The following DENND1B variants were observed in gnomAD, a reference collection of about 807,000 sequenced individuals.
The protein encoded by DENND1B is DENN domain containing 1B, also known as DENN domain-containing protein 1B.
Under a neutral mutation model 90.1 loss-of-function variants are expected in DENND1B, and 59 were observed. The observed-to-expected ratio is 0.65, with a 90% CI of 0.53 to 0.81. The LOEUF is 0.81. Ranked by LOEUF, DENND1B falls within the 40% of genes least tolerant of loss-of-function variation. The pLI, the probability that DENND1B is intolerant of heterozygous loss-of-function variation, is 0.00. For missense variants in DENND1B, 862 were observed against 912.6 expected, an observed-to-expected ratio of 0.94 and a Z score of 0.71; for synonymous variants, 337 against 324.6, an observed-to-expected ratio of 1.04 and a Z score of -0.41.
chr1:197,521,636 AAT>A (rs1354093995), intron 20 of DENND1B, among the ~76,000 whole-genome samples: 8 of 152,008 alleles, frequency 5.3e-5, no homozygotes, highest in Non-Finnish European at 1.2e-4. Flanking sequence ...TGCATGAAAT[AAT>A]ATGTGAATAA....
chr1:197,636,292 C>T (rs1037939169), intron 10 of DENND1B, among the ~76,000 whole-genome samples: 6 of 152,012 alleles, frequency 3.9e-5, no homozygotes, highest in African/African-American at 1.5e-4. Context: ...GAGAGATAAT[C>T]GACTAGACCT....
chr1:197,516,306 T>C (rs570109689), intron 20 of DENND1B, among the ~76,000 whole-genome samples: 1 of 151,940 alleles, frequency 6.6e-6, no homozygotes, highest in East Asian at 1.9e-4. Flanking sequence ...TCATTGAATA[T>C]ATATCAACCT....
At chr1:197,543,106 T>C (rs1670464652) in intron 18 of DENND1B, among the ~76,000 whole-genome samples, 1 of 151,986 alleles carries the variant, frequency 6.6e-6, no homozygotes, top group African/African-American at 2.4e-5. Context: ...GGATAATTTT[T>C]GTATTTTCAA....
chr1:197,717,136 A>G (rs980924780), intron 2 of DENND1B, among the ~76,000 whole-genome samples: 1 of 151,982 alleles, frequency 6.6e-6, no homozygotes, highest in Non-Finnish European at 1.5e-5. Context: ...GTTACTGCCT[A>G]TGTGATTAGA....
intron 14 of DENND1B, among the ~76,000 whole-genome samples, chr1:197,585,084 C>T (rs1434472359): frequency 6.6e-6 from 1 of 152,114 alleles, no homozygotes; most frequent in Non-Finnish European, 1.5e-5. Context: ...ATATTTTCCA[C>T]TATCACAGAA....
At chr1:197,647,834 G>C (rs1361266398) in intron 7 of DENND1B, among the ~76,000 whole-genome samples, 1 of 151,398 alleles carries the variant, frequency 6.6e-6, no homozygotes, top group East Asian at 1.9e-4. Context: ...TGTAATTCCA[G>C]CTACTCAGGA....
chr1:197,675,909 C>T (rs1252337498), intron 3 of DENND1B, among the ~76,000 whole-genome samples: 1 of 151,578 alleles, frequency 6.6e-6, no homozygotes, highest in Admixed American at 6.6e-5. Context: ...TCTTTCACAC[C>T]CTCCCCCTCC....
intron 10 of DENND1B, among the ~76,000 whole-genome samples, chr1:197,637,282 T>C (rs959535643): frequency 6.6e-6 from 1 of 152,124 alleles, no homozygotes; most frequent in South Asian, 2.1e-4. Context: ...TCCAAGGTCA[T>C]TTCTGTGGAT....
At chr1:197,523,440 C>T (rs1181885557) in intron 20 of DENND1B, among the ~76,000 whole-genome samples, 1 of 152,112 alleles carries the variant, frequency 6.6e-6, no homozygotes, top group Non-Finnish European at 1.5e-5. Context: ...ACTCCTAAGG[C>T]ACGGGGGCGC....
intron 20 of DENND1B, among the ~76,000 whole-genome samples, chr1:197,537,629 TTATGTA>T (rs1277264037): frequency 1.3e-5 from 2 of 152,170 alleles, no homozygotes; most frequent in East Asian, 3.9e-4. Context: ...AATCATTTCG[TTATGTA>T]TATGTATATC....
At chr1:197,685,835 A>C (rs1318487045) in intron 3 of DENND1B, 1 of 152,056 alleles carries the variant, frequency 6.6e-6, no homozygotes, top group African/African-American at 2.4e-5. Context: ...TATTTTGCAA[A>C]CTTATACTAC....
At chr1:197,707,901 C>A (rs1571442648) in intron 3 of DENND1B, among the ~76,000 whole-genome samples, 2 of 151,016 alleles carry the variant, frequency 1.3e-5, no homozygotes, top group East Asian at 4.0e-4. Flanking sequence ...CAGGGCGAGG[C>A]ATTGCCTCAC....
At chr1:197,654,804 G>A (rs989269187) in intron 6 of DENND1B, among the ~76,000 whole-genome samples, 1 of 152,028 alleles carries the variant, frequency 6.6e-6, no homozygotes, top group African/African-American at 2.4e-5. Context: ...GATTTCAGCT[G>A]ATTTATCAAA....
At chr1:197,591,886 G>A (rs1675243120) in intron 14 of DENND1B, among the ~76,000 whole-genome samples, 1 of 152,026 alleles carries the variant, frequency 6.6e-6, no homozygotes. Context: ...CGAGGCAGGT[G>A]TATCACGAGG....
Position 197,750,553 on chromosome 1 carries a change from T to C in DENND1B, c.82+22315A>G, listed in dbSNP as rs545821027. On this transcript the variant is annotated intron_variant, in intron 2 of 22. Transcript: ENST00000620048. ...TAATTAAAGGCAATGATTGTTAGAC[T>C]GGATAGAAAAGCAAACCTAGATAGA... Among the ~76,000 whole-genome samples the C allele has an allele frequency of 2.0e-5, 3 of 147,040 alleles. No homozygotes were observed. In the East Asian group the frequency reaches 6.1e-4, roughly 30 times the overall value.
chr1:197,581,895 T>G (rs1180585668), intron 15 of DENND1B, among the ~76,000 whole-genome samples: 2 of 152,198 alleles, frequency 1.3e-5, no homozygotes, highest in Non-Finnish European at 2.9e-5. Context: ...GATATTTTAC[T>G]CAACAAGCAT....
chr1:197,666,491 AAATT>A (rs1654946108), intron 5 of DENND1B, among the ~76,000 whole-genome samples: 1 of 152,226 alleles, frequency 6.6e-6, no homozygotes, highest in Non-Finnish European at 1.5e-5. Flanking sequence ...TATAGCAAAT[AAATT>A]ATTTTTGTTA....
chr1:197,693,964 C>T (rs1658175423), intron 3 of DENND1B, among the ~76,000 whole-genome samples: 1 of 151,552 alleles, frequency 6.6e-6, no homozygotes, highest in Non-Finnish European at 1.5e-5. Flanking sequence ...TCAGCTAGTA[C>T]ACAATAATTT....
chr1:197,700,069 C>A (rs886698109), intron 3 of DENND1B, among the ~76,000 whole-genome samples: 2 of 152,138 alleles, frequency 1.3e-5, no homozygotes, highest in African/African-American at 4.8e-5. Context: ...TTATTTCCAT[C>A]AAACTACCAT....
Sources: gnomAD v4.1 joint callset for allele counts (sites outside exome capture counted in the v4.1 genomes callset) on GRCh38, gnomAD v4.1.1 for gene constraint, MANE v1.5 for transcripts, NCBI Gene and HGNC (gene_info 2026-07-23, HGNC 2026-07-21) for gene names.